The following GJB7 variants were observed in gnomAD, a reference collection of about 807,000 sequenced individuals.
GJB7 encodes gap junction protein beta 7.
For synonymous variants in GJB7, 87 were observed against 95.2 expected (o/e 0.91, Z 0.50); for missense variants, 253 against 256.8 (o/e 0.99, Z 0.10).
chr6:87,309,055 A>G (rs1776474643), intron 2 of GJB7, among the ~76,000 whole-genome samples: 1 of 152,192 alleles, frequency 6.6e-6, no homozygotes, highest in Non-Finnish European at 1.5e-5. Flanking sequence ...CCTTTCTTGC[A>G]TGTTTCCGAT....
At chr6:87,323,522 A>G (rs12194354) in intron 1 of GJB7, among the ~76,000 whole-genome samples, 94,377 of 149,756 alleles carry the variant, frequency 0.63, 30,049 homozygotes, top group African/African-American at 0.71. Flanking sequence ...AGAATATGTG[A>G]TGTTTGCTTT....
At chr6:87,306,182 C>G (rs1046461987) in intron 2 of GJB7, among the ~76,000 whole-genome samples, 1 of 152,044 alleles carries the variant, frequency 6.6e-6, no homozygotes, top group Non-Finnish European at 1.5e-5. Flanking sequence ...CAAATGGGAT[C>G]TCATTAAACT....
chr6:87,306,593 C>A (rs1185702145), intron 2 of GJB7, among the ~76,000 whole-genome samples: 1 of 151,926 alleles, frequency 6.6e-6, no homozygotes, highest in Non-Finnish European at 1.5e-5. Context: ...TAAACTAGTT[C>A]AACCATTGTG....
chr6:87,304,319 G>A (rs180751504), intron 2 of GJB7, among the ~76,000 whole-genome samples: 7 of 152,080 alleles, frequency 4.6e-5, no homozygotes, highest in South Asian at 2.1e-4. Flanking sequence ...ATCAAATGAC[G>A]CAATATAAAA....
intron 1 of GJB7, among the ~76,000 whole-genome samples, chr6:87,324,716 T>A (rs1776772272): frequency 1.3e-5 from 2 of 152,036 alleles, no homozygotes; most frequent in Non-Finnish European, 1.5e-5. Context: ...TACCTCCAGC[T>A]TTGTTCTTTT....
At chr6:87,288,965 C>T (rs1012645638) in intron 2 of GJB7, among the ~76,000 whole-genome samples, 17 of 152,130 alleles carry the variant, frequency 1.1e-4, no homozygotes, top group African/African-American at 3.4e-4. Context: ...ACTGTATATT[C>T]TCATTTCTCT....
chr6:87,287,123 A>G (rs1188782074), intron 2 of GJB7, among the ~76,000 whole-genome samples: 1 of 152,194 alleles, frequency 6.6e-6, no homozygotes, highest in Non-Finnish European at 1.5e-5. Flanking sequence ...AGAAGACAAA[A>G]TCTTCCCAGT....
At chr6:87,328,249 G>C (rs1776884603) in intron 1 of GJB7, among the ~76,000 whole-genome samples, 1 of 152,038 alleles carries the variant, frequency 6.6e-6, no homozygotes, top group African/African-American at 2.4e-5. Flanking sequence ...CCTTCTCTCA[G>C]CTCGTCAAAG....
chr6:87,325,298 A>G (rs901240213), intron 1 of GJB7, among the ~76,000 whole-genome samples: 1 of 145,486 alleles, frequency 6.9e-6, no homozygotes, highest in Non-Finnish European at 1.5e-5. Context: ...AACTTCCAAC[A>G]CTATGTTGAA....
intron 2 of GJB7, 89 bp downstream of exon 2, chr6:87,322,777 C>G (rs1365087421): frequency 6.6e-6 from 1 of 152,122 alleles, no homozygotes; most frequent in Non-Finnish European, 1.5e-5. Flanking sequence ...TCGGATAGCC[C>G]AAATCTTTGC....
At chr6:87,291,427 T>A (rs183787026) in intron 2 of GJB7, among the ~76,000 whole-genome samples, 1 of 152,352 alleles carries the variant, frequency 6.6e-6, no homozygotes, top group Admixed American at 6.5e-5. Flanking sequence ...GCAAGGTTTT[T>A]AAATTTCCTG....
rs1339575841 is a variant in GJB7 at position 87,306,669 on chromosome 6, T to C, written c.-28+16197A>G. Among the ~76,000 whole-genome samples, 8 of 152,064 alleles carry C rather than the reference T, an allele frequency of 5.3e-5. No individual in the cohort carries two copies. The East Asian group carries it at 1.5e-3, about 29-fold the overall frequency. ...ATACCATTTGACCCAGCCATCCCATTACTGGGTATATACCCAAAGGACTAT... is the reference window on the plus strand; with the variant it reads ...ATACCATTTGACCCAGCCATCCCATCACTGGGTATATACCCAAAGGACTAT... On this transcript the variant is annotated intron_variant, in intron 2 of 2. Coordinates refer to ENST00000525899, the MANE Select transcript of GJB7 (RefSeq NM_198568.3).
intron 2 of GJB7, among the ~76,000 whole-genome samples, chr6:87,301,339 C>T (rs371814): frequency 0.63 from 95,245 of 152,042 alleles, 30,303 homozygotes; most frequent in African/African-American, 0.71. Context: ...CCTAATACTG[C>T]GCTTTTCCAA....
At chr6:87,303,281 C>A (rs1776365015) in intron 2 of GJB7, among the ~76,000 whole-genome samples, 1 of 152,108 alleles carries the variant, frequency 6.6e-6, no homozygotes, top group Non-Finnish European at 1.5e-5. Context: ...TCAGGAGACC[C>A]ATCTCACATG....
chr6:87,304,871 A>G (rs1305009441), intron 2 of GJB7, among the ~76,000 whole-genome samples: 2 of 152,372 alleles, frequency 1.3e-5, no homozygotes, highest in East Asian at 1.9e-4. Context: ...CTGGTTCAAC[A>G]TATGCAAATC....
intron 2 of GJB7, among the ~76,000 whole-genome samples, chr6:87,302,157 A>C (rs1776339603): frequency 3.9e-5 from 6 of 152,258 alleles, no homozygotes; most frequent in Admixed American, 3.9e-4. Flanking sequence ...CCTCACCAGC[A>C]ATGCAACAAA....
chr6:87,288,332 T>C (rs1776099937), intron 2 of GJB7, among the ~76,000 whole-genome samples: 1 of 152,226 alleles, frequency 6.6e-6, no homozygotes, highest in Non-Finnish European at 1.5e-5. Context: ...CATATGTATA[T>C]ATTTGGTTCT....
chr6:87,308,808 T>TA (rs538408883), intron 2 of GJB7, among the ~76,000 whole-genome samples: 1,719 of 149,726 alleles, frequency 0.011, 36 homozygotes, highest in African/African-American at 0.038. Flanking sequence ...GGCAACCAGA[T>TA]AAAAAAAAAT....
intron 2 of GJB7, 95 bp from the exon 3 acceptor site, chr6:87,285,034 C>G (rs1776037242): frequency 1.3e-6 from 1 of 795,612 alleles, no homozygotes. Context: ...ATTACAATTT[C>G]TGCATTATAA....
Sources: allele counts gnomAD v4.1 joint callset (sites outside exome capture counted in the v4.1 genomes callset), GRCh38; gene constraint gnomAD v4.1.1; transcripts MANE v1.5; gene names NCBI Gene and HGNC (gene_info 2026-07-23, HGNC 2026-07-21).